CCDC7: variants seen among roughly 807,000 people sequenced by gnomAD.
The protein encoded by CCDC7 is coiled-coil domain containing 7.
Under a neutral mutation model 196.9 loss-of-function variants are expected in CCDC7, and 183 were observed. The ratio of observed to expected loss-of-function variants is 0.93; its 90% CI spans 0.82 to 1.05. The LOEUF is 1.05. Ranked by LOEUF, CCDC7 falls within the 50% of genes least tolerant of loss-of-function variation. CCDC7 has a pLI of 0.00. For synonymous variants in CCDC7, 525 were observed against 484.6 expected (o/e 1.08, Z -1.10); for missense variants, 1,540 against 1,482.2 (o/e 1.04, Z -0.64).
At chr10:32,646,410 T>TA (rs764132789) in intron 20 of CCDC7, among the ~76,000 whole-genome samples, 3 of 152,118 alleles carry the variant, frequency 2.0e-5, no homozygotes, top group Non-Finnish European at 4.4e-5. Flanking sequence ...TGATTTCAAT[T>TA]AAAAAAATTG....
chr10:32,599,121 T>G (rs1158556581), intron 18 of CCDC7, among the ~76,000 whole-genome samples: 1 of 152,242 alleles, frequency 6.6e-6, no homozygotes, highest in Non-Finnish European at 1.5e-5. Context: ...TTTTAATTGT[T>G]ATATCTGCTT....
chr10:32,448,974 T>G (rs1160164914), upstream of CCDC7, among the ~76,000 whole-genome samples: 1 of 152,120 alleles, frequency 6.6e-6, no homozygotes, highest in African/African-American at 2.4e-5. Context: ...ATTCTTTGCA[T>G]CAGTTTTTAT....
At chr10:32,880,897 G>A (rs942398274), downstream of CCDC7, among the ~76,000 whole-genome samples, 8 of 152,072 alleles carry the variant, frequency 5.3e-5, no homozygotes, top group South Asian at 2.1e-4. Flanking sequence ...TGGTCTATGT[G>A]TCTGTTTTTG....
At chr10:32,478,558 TTTA>T (rs1254916876) in intron 8 of CCDC7, among the ~76,000 whole-genome samples, 2 of 152,286 alleles carry the variant, frequency 1.3e-5, no homozygotes, top group African/African-American at 4.8e-5. Flanking sequence ...GTTTTCTGCA[TTTA>T]TTGATATGAT....
chr10:32,784,630 G>C (rs1242958303), intron 29 of CCDC7, among the ~76,000 whole-genome samples: 2 of 152,186 alleles, frequency 1.3e-5, no homozygotes, highest in African/African-American at 4.8e-5. Flanking sequence ...GGAGTGCAGT[G>C]GCGCAATCTC....
chr10:32,763,161 C>T (rs1007483929), intron 28 of CCDC7, among the ~76,000 whole-genome samples: 1 of 151,878 alleles, frequency 6.6e-6, no homozygotes, highest in Admixed American at 6.6e-5. Flanking sequence ...ACAAACTTAA[C>T]AGCAAAATGA....
intron 18 of CCDC7, among the ~76,000 whole-genome samples, chr10:32,628,954 A>G (rs994624109): frequency 4.6e-5 from 7 of 152,190 alleles, no homozygotes; most frequent in Admixed American, 3.9e-4. Flanking sequence ...CATGTGCTTG[A>G]GAAGAATGTG....
chr10:32,577,030 A>G (rs1158625945), intron 16 of CCDC7, among the ~76,000 whole-genome samples: 2 of 152,096 alleles, frequency 1.3e-5, no homozygotes, highest in Non-Finnish European at 2.9e-5. Flanking sequence ...TGTTGTAACT[A>G]TTTCCTTGGG....
intron 11 of CCDC7, among the ~76,000 whole-genome samples, chr10:32,528,123 G>T (rs1455207291): frequency 6.6e-6 from 1 of 152,072 alleles, no homozygotes; most frequent in Non-Finnish European, 1.5e-5. Flanking sequence ...TGGGGTATTT[G>T]TCTTTCTATG....
chr10:32,793,306 A>G (rs769906302), intron 29 of CCDC7, among the ~76,000 whole-genome samples: 18 of 152,226 alleles, frequency 1.2e-4, no homozygotes, highest in Non-Finnish European at 1.8e-4. Context: ...TAACTAGGGA[A>G]GACCCTTAGG....
At chr10:32,787,983 C>T (rs1442959761) in intron 29 of CCDC7, among the ~76,000 whole-genome samples, 2 of 152,170 alleles carry the variant, frequency 1.3e-5, no homozygotes, top group Non-Finnish European at 2.9e-5. Flanking sequence ...TGCTCCACTT[C>T]CAGGCAAGCT....
intron 32 of CCDC7, among the ~76,000 whole-genome samples, chr10:32,831,814 C>A (rs975030246): frequency 3.3e-5 from 5 of 152,098 alleles, no homozygotes; most frequent in Non-Finnish European, 5.9e-5. Flanking sequence ...CTGTCTGAGG[C>A]TGTTCTACAG....
intron 13 of CCDC7, among the ~76,000 whole-genome samples, chr10:32,564,290 C>G (rs2056364078): frequency 6.6e-6 from 1 of 152,132 alleles, no homozygotes; most frequent in South Asian, 2.1e-4. Flanking sequence ...ACCCAGCCAT[C>G]CCATTACTGG....
Position 32,644,651 on chromosome 10 carries a change from G to A in CCDC7, c.2014+9493G>A, listed in dbSNP as rs553377757. Among the ~76,000 whole-genome samples the A allele has an allele frequency of 1.1e-4, 16 of 152,266 alleles. No individual in the cohort carries two copies. In the South Asian group the frequency reaches 3.3e-3, roughly 32 times the overall value. ...CCCAGTGGGAGATAATGAATCACGA[G>A]GGCGATTTCCCCCATACTGCTGCTA... On this transcript the variant is annotated intron_variant, in intron 20 of 41. Transcript: ENST00000639629.
chr10:32,445,941 C>A (rs2030807080), upstream of CCDC7, among the ~76,000 whole-genome samples: 1 of 152,200 alleles, frequency 6.6e-6, no homozygotes, highest in Admixed American at 6.5e-5. Flanking sequence ...GCTCAGGGGG[C>A]GTCCTGGAAT....
chr10:32,813,708 G>T (rs893162439), intron 30 of CCDC7, among the ~76,000 whole-genome samples: 15 of 152,008 alleles, frequency 9.9e-5, no homozygotes, highest in Non-Finnish European at 1.5e-4. Flanking sequence ...AATGTCCCTA[G>T]GATGATTTCA....
chr10:32,496,425 A>G (rs2042925433), intron 9 of CCDC7, among the ~76,000 whole-genome samples: 1 of 152,146 alleles, frequency 6.6e-6, no homozygotes, highest in Non-Finnish European at 1.5e-5. Context: ...ACTATGTTGA[A>G]TAGGAGTGGT....
chr10:32,580,260 A>G (rs1257687657), intron 16 of CCDC7, among the ~76,000 whole-genome samples: 3 of 152,174 alleles, frequency 2.0e-5, no homozygotes, highest in Non-Finnish European at 4.4e-5. Flanking sequence ...TTGTCAGCAT[A>G]AGAATTATTT....
intron 28 of CCDC7, among the ~76,000 whole-genome samples, chr10:32,738,156 C>A (rs532677792): frequency 2.6e-4 from 40 of 152,216 alleles, no homozygotes; most frequent in Admixed American, 3.3e-4. Flanking sequence ...TTAATATGAT[C>A]CTATATCTTC....
Sources: gnomAD v4.1 joint callset for allele counts (sites outside exome capture counted in the v4.1 genomes callset) on GRCh38, gnomAD v4.1.1 for gene constraint, MANE v1.5 for transcripts, NCBI Gene and HGNC (gene_info 2026-07-23, HGNC 2026-07-21) for gene names.